Variants in CNTNAP2 observed in about 807,000 individuals in gnomAD.
CNTNAP2 encodes the protein contactin-associated protein-like 2.
CNTNAP2 carries 98 observed loss-of-function variants against 155.2 expected under a neutral mutation model. The observed-to-expected ratio is 0.63, with a 90% CI of 0.54 to 0.75. The LOEUF is 0.75. Ranked by LOEUF, CNTNAP2 falls within the 30% of genes least tolerant of loss-of-function variation. CNTNAP2 has a pLI of 0.00. For missense variants in CNTNAP2, 1,727 were observed against 1,688.1 expected (o/e 1.02, Z -0.40); for synonymous variants, 651 against 631.2 (o/e 1.03, Z -0.47).
intron 14 of CNTNAP2, among the ~76,000 whole-genome samples, chr7:147,946,410 A>G (rs955520899): frequency 2.6e-5 from 4 of 152,236 alleles, no homozygotes; most frequent in Admixed American, 2.6e-4. Context: ...GCAGGAAGTT[A>G]AATACCAAGA....
At chr7:147,837,265 A>G (rs1798649726) in intron 13 of CNTNAP2, among the ~76,000 whole-genome samples, 1 of 152,218 alleles carries the variant, frequency 6.6e-6, no homozygotes, top group Non-Finnish European at 1.5e-5. Context: ...AGACAAGAGA[A>G]GAGAGCTTGT....
chr7:148,073,297 C>A (rs977219929), intron 15 of CNTNAP2, among the ~76,000 whole-genome samples: 1 of 152,142 alleles, frequency 6.6e-6, no homozygotes, highest in African/African-American at 2.4e-5. Flanking sequence ...ACCATAATAC[C>A]GTGGTCTTCC....
rs1194923750 is a variant in CNTNAP2, at chr7:146,401,365, AT to A, written c.97+284393del. The stretch of plus-strand genomic sequence containing the variant: ...CTGGTGGCAGAGAAAAAAATAAAAA[AT>A]AAAAAATAAGTAGATTAGGGAGAAA... On this transcript the variant is annotated intron_variant, in intron 1 of 23. Transcript: ENST00000361727. Among the ~76,000 whole-genome samples, 4 of 152,306 alleles carry A rather than the reference AT, an allele frequency of 2.6e-5. 1 individual carries two copies. The Middle Eastern group carries it at 0.01, about 389-fold the overall frequency.
intron 1 of CNTNAP2, among the ~76,000 whole-genome samples, chr7:146,705,493 C>A (rs185804677): frequency 1.3e-5 from 2 of 152,016 alleles, no homozygotes; most frequent in African/African-American, 2.4e-5. Context: ...CCTATCACCC[C>A]GCAAAATGCT....
intron 4 of CNTNAP2, among the ~76,000 whole-genome samples, chr7:147,044,459 A>T (rs2129255574): frequency 6.6e-6 from 1 of 152,244 alleles, no homozygotes; most frequent in South Asian, 2.1e-4. Flanking sequence ...CATTTCGAAG[A>T]ACTTCCTTCG....
intron 1 of CNTNAP2, among the ~76,000 whole-genome samples, chr7:146,142,434 T>G (rs1372143875): frequency 1.3e-5 from 2 of 152,134 alleles, no homozygotes; most frequent in African/African-American, 2.4e-5. Flanking sequence ...AACACAAATG[T>G]GTCTATGAAA....
intron 21 of CNTNAP2, among the ~76,000 whole-genome samples, chr7:148,283,255 A>AAAAGAAAGAAAGAAAGAAAG (rs1199149066): frequency 2.2e-4 from 14 of 63,630 alleles, no homozygotes; most frequent in African/African-American, 4.8e-4. Flanking sequence ...AAAAAAAAAA[A>AAAAGAAAGAAAGAAAGAAAG]AAAGAAAGAA....
At chr7:148,364,707 T>C (rs540784143) in intron 21 of CNTNAP2, among the ~76,000 whole-genome samples, 143 of 152,292 alleles carry the variant, frequency 9.4e-4, no homozygotes, top group Middle Eastern at 3.4e-3. Context: ...CACCAATCAG[T>C]GCCCTGACAA....
intron 20 of CNTNAP2, among the ~76,000 whole-genome samples, chr7:148,261,528 C>T (rs1303952781): frequency 1.3e-5 from 2 of 152,262 alleles, no homozygotes; most frequent in East Asian, 3.9e-4. Flanking sequence ...CTGGAGGTGG[C>T]GTGTTCTGAA....
At chr7:146,718,574 A>C (rs2129176627) in intron 1 of CNTNAP2, among the ~76,000 whole-genome samples, 1 of 152,330 alleles carries the variant, frequency 6.6e-6, no homozygotes, top group South Asian at 2.1e-4. Context: ...AATGATTAAA[A>C]ATAGTGTTTT....
chr7:146,870,660 G>C (rs573493468), intron 3 of CNTNAP2, among the ~76,000 whole-genome samples: 3 of 152,052 alleles, frequency 2.0e-5, no homozygotes, highest in Non-Finnish European at 2.9e-5. Context: ...CTAACTTAAA[G>C]ATACTATGTT....
chr7:147,755,677 T>C (rs776918729), intron 13 of CNTNAP2, among the ~76,000 whole-genome samples: 1 of 152,104 alleles, frequency 6.6e-6, no homozygotes, highest in Non-Finnish European at 1.5e-5. Context: ...CATAATAATA[T>C]TGATAGCAAA....
chr7:147,266,777 A>G (rs1804620969), intron 8 of CNTNAP2, among the ~76,000 whole-genome samples: 1 of 152,210 alleles, frequency 6.6e-6, no homozygotes, highest in African/African-American at 2.4e-5. Flanking sequence ...GTCATTTATC[A>G]TAAGTAAAAT....
intron 8 of CNTNAP2, among the ~76,000 whole-genome samples, chr7:147,211,154 G>A (rs2116571549): frequency 6.6e-6 from 1 of 151,958 alleles, no homozygotes; most frequent in East Asian, 1.9e-4. Flanking sequence ...GGTCCAATTA[G>A]TCAAATGTCA....
intron 1 of CNTNAP2, among the ~76,000 whole-genome samples, chr7:146,486,952 C>G (rs997930607): frequency 6.6e-6 from 1 of 152,162 alleles, no homozygotes; most frequent in Non-Finnish European, 1.5e-5. Context: ...CACTCTGTGA[C>G]TTGAATTTAA....
chr7:146,725,524 G>A (rs1350579531), intron 1 of CNTNAP2, among the ~76,000 whole-genome samples: 1 of 152,128 alleles, frequency 6.6e-6, no homozygotes, highest in Non-Finnish European at 1.5e-5. Context: ...TTTAAAGGAT[G>A]AGAGGAACTT....
At chr7:147,624,145 T>C (rs1794923999) in intron 12 of CNTNAP2, among the ~76,000 whole-genome samples, 1 of 152,056 alleles carries the variant, frequency 6.6e-6, no homozygotes, top group Non-Finnish European at 1.5e-5. Flanking sequence ...CCTCAAAATA[T>C]GAATCTACTA....
At chr7:147,574,184 T>A (rs1800345781) in intron 12 of CNTNAP2, among the ~76,000 whole-genome samples, 1 of 152,178 alleles carries the variant, frequency 6.6e-6, no homozygotes, top group African/African-American at 2.4e-5. Flanking sequence ...TGGCGTTCTA[T>A]TACTGCTTTA....
intron 9 of CNTNAP2, among the ~76,000 whole-genome samples, chr7:147,393,320 C>T (rs895399957): frequency 2.6e-5 from 4 of 151,964 alleles, no homozygotes; most frequent in African/African-American, 4.8e-5. Context: ...TTGTTATAAG[C>T]GAATGATGAA....
Sources: allele counts gnomAD v4.1 joint callset (sites outside exome capture counted in the v4.1 genomes callset), GRCh38; gene constraint gnomAD v4.1.1; transcripts MANE v1.5; gene names NCBI Gene and HGNC (gene_info 2026-07-23, HGNC 2026-07-21).